RBM28: variants seen among roughly 807,000 people sequenced by gnomAD.
RBM28 encodes the protein RNA binding motif protein 28.
A neutral mutation model predicts 98.3 loss-of-function variants in RBM28; 78 were observed. The ratio of observed to expected loss-of-function variants is 0.79; its 90% CI spans 0.66 to 0.96. RBM28 has a LOEUF of 0.96. Ranked by LOEUF, RBM28 falls within the 40% of genes least tolerant of loss-of-function variation. RBM28 has a pLI of 0.00. For synonymous variants in RBM28, 306 were observed against 330.9 expected, an observed-to-expected ratio of 0.92 and a Z score of 0.82; for missense variants, 838 against 913.0, an observed-to-expected ratio of 0.92 and a Z score of 1.06.
intron 17 of RBM28, among the ~76,000 whole-genome samples, 171 bp downstream of exon 17, chr7:128,314,593 T>C (rs1232907622): frequency 6.6e-6 from 1 of 152,046 alleles, no homozygotes; most frequent in East Asian, 1.9e-4. Flanking sequence ...GATCTAAGAG[T>C]GACATCTCTG....
chr7:128,307,621 A>T lies in RBM28; in HGVS notation c.*3176T>A, dbSNP rs1795891338. ...AAGAAGGAACTGTACAGCTGAACAG[A>T]GCAGATTCTTAGAAACTACAAACTA... is the stretch of plus-strand genomic sequence containing the variant. On this transcript the variant is annotated 3_prime_UTR_variant, in exon 19 of 19. Coordinates refer to ENST00000223073, the MANE Select transcript of RBM28 (RefSeq NM_018077.3). The T allele has an allele frequency of 6.6e-6, 1 of 152,204 alleles. No homozygotes were observed. Among genetic ancestry groups the T allele is most frequent in the Non-Finnish European group, 1.5e-5 (1 of 68,040 alleles). 9.4% of individuals were successfully genotyped at this position (152,204 alleles called of 1,614,324 possible).
chr7:128,307,543 G>T lies in RBM28; in HGVS notation c.*3254C>A, dbSNP rs1326634851. On this transcript the variant is annotated 3_prime_UTR_variant, in exon 19 of 19. Coordinates refer to ENST00000223073, the MANE Select transcript of RBM28 (RefSeq NM_018077.3). ...TAACTTTATAATAGAGGAAGGCACAGATCTCATTTTTGTGACAGGTGAAAC... is the reference window on the plus strand; with the variant it reads ...TAACTTTATAATAGAGGAAGGCACATATCTCATTTTTGTGACAGGTGAAAC... 4 of 152,156 alleles carry T rather than the reference G, an allele frequency of 2.6e-5. No individual in the cohort carries two copies. The highest frequency in any genetic ancestry group is 7.2e-5 in the African/African-American group (3 of 41,414). 9.4% of individuals were successfully genotyped at this position (152,156 alleles called of 1,614,324 possible).
Position 128,310,730 on chromosome 7 carries a change from G to C in RBM28, c.*67C>G. ...TCCCTCAGTGAGAGACACGGGGGAT[G>C]GGGAGGAGCCCAGGAGTGTCACCAG... On this transcript the variant is annotated 3_prime_UTR_variant, in exon 19 of 19. Transcript: ENST00000223073. The C allele has an allele frequency of 6.3e-7, 1 of 1,592,042 alleles. No individual in the cohort carries two copies.
rs747678182 is a variant in RBM28, at chr7:128,335,797, G to A, written c.809+50C>T. Reference sequence around the variant, plus strand: ...AAAAAGGAGAATTTTTCCTCTCGGAGACAATCTTGAATCTTCCTCTGCTGT... The same window carrying A: ...AAAAAGGAGAATTTTTCCTCTCGGAAACAATCTTGAATCTTCCTCTGCTGT... On this transcript the variant is annotated intron_variant, in intron 7 of 18. Transcript: ENST00000223073. 6 of 1,613,904 alleles carry A rather than the reference G, an allele frequency of 3.7e-6. No individual in the cohort carries two copies. The South Asian group carries it at 5.5e-5, about 15-fold the overall frequency.
chr7:128,331,815 A>T (rs962477082), intron 9 of RBM28, among the ~76,000 whole-genome samples: 2 of 152,214 alleles, frequency 1.3e-5, no homozygotes, highest in Non-Finnish European at 2.9e-5. Context: ...TAAGCAAAAC[A>T]GTCCCTAATA....
At position 128,343,897 on chromosome 7, in the gene RBM28, G is replaced by A; in HGVS notation, c.-104C>T. Reference sequence around the variant, plus strand: ...GGACAACCAAGCTCACACGCCGAGAGATTCCGGAAGTGCTCGTTGCCCAAA... The same window carrying A: ...GGACAACCAAGCTCACACGCCGAGAAATTCCGGAAGTGCTCGTTGCCCAAA... On this transcript the variant is annotated 5_prime_UTR_variant, in exon 1 of 19. Transcript: ENST00000223073. 1.4e-6 allele frequency: 1 copy of A among 714,760 alleles called. No individual in the cohort carries two copies. The highest frequency in any genetic ancestry group is 2.2e-6 in the Non-Finnish European group (1 of 448,172). The allele number at this position is 714,760 out of a possible 1,614,324, so 44.3% of individuals were successfully genotyped here. A position where few individuals can be genotyped will look rare whatever the true frequency, so the allele number is the denominator to read the frequency against.
At chr7:128,315,778 A>C (rs1181754667) in intron 16 of RBM28, among the ~76,000 whole-genome samples, 1 of 152,250 alleles carries the variant, frequency 6.6e-6, no homozygotes, top group Non-Finnish European at 1.5e-5. Flanking sequence ...GAAGGAAAAG[A>C]CTTACTCAGA....
Position 128,329,187 on chromosome 7 carries a change from C to G in RBM28, c.1129+1632G>C, listed in dbSNP as rs565178230. ...CGATCTCGGCTCACCACAACCTCCC[C>G]CTCCCAGGTTCAAGCAATTCTCCTG... On this transcript the variant is annotated intron_variant, in intron 10 of 18. Coordinates refer to ENST00000223073, the MANE Select transcript of RBM28 (RefSeq NM_018077.3). Among the ~76,000 whole-genome samples, 14 of 152,258 alleles carry G rather than the reference C, an allele frequency of 9.2e-5. No homozygotes were observed. The South Asian group carries it at 2.5e-3, about 27-fold the overall frequency.
At chr7:128,326,527 C>A (rs1426762584) in intron 10 of RBM28, among the ~76,000 whole-genome samples, 1 of 152,120 alleles carries the variant, frequency 6.6e-6, no homozygotes, top group Non-Finnish European at 1.5e-5. Flanking sequence ...CTACAACATT[C>A]AGTATAACAA....
intron 9 of RBM28, among the ~76,000 whole-genome samples, chr7:128,331,435 C>G (rs1304938479): frequency 6.6e-6 from 1 of 151,890 alleles, no homozygotes; most frequent in East Asian, 1.9e-4. Context: ...GAGGCTTGCT[C>G]TTTGACAACT....
At chr7:128,311,426 C>G (rs537063805) in intron 18 of RBM28, among the ~76,000 whole-genome samples, 23 of 152,162 alleles carry the variant, frequency 1.5e-4, no homozygotes, top group Non-Finnish European at 2.9e-4. Context: ...GAGAAGCAAG[C>G]TTGACTTCAA....
At chr7:128,324,171 C>T (rs1345976869) in intron 12 of RBM28, among the ~76,000 whole-genome samples, 1 of 152,138 alleles carries the variant, frequency 6.6e-6, no homozygotes, top group Admixed American at 6.5e-5. Flanking sequence ...GTCTTTCTGA[C>T]ACTAAAGGAA....
At chr7:128,320,904 G>A (rs958365358) in intron 14 of RBM28, among the ~76,000 whole-genome samples, 2 of 152,190 alleles carry the variant, frequency 1.3e-5, no homozygotes, top group African/African-American at 2.4e-5. Context: ...AGTGGCTCAC[G>A]CCTGTAATCC....
chr7:128,343,806 C>T lies in RBM28; in HGVS notation c.-13G>A, dbSNP rs1796783946. On this transcript the variant is annotated 5_prime_UTR_variant, in exon 1 of 19. Coordinates refer to ENST00000223073, the MANE Select transcript of RBM28 (RefSeq NM_018077.3). Reference sequence around the variant, plus strand: ...TCAGGCCGGCCATGAGACCGGGAAACCCAAAGCGCGTGAGGACGCGAGCAA... The same window carrying T: ...TCAGGCCGGCCATGAGACCGGGAAATCCAAAGCGCGTGAGGACGCGAGCAA... 4 of 1,573,750 alleles carry T rather than the reference C, an allele frequency of 2.5e-6. No individual in the cohort carries two copies.
rs971750483 is a variant in RBM28, at chr7:128,341,160, C to A, written c.119-1369G>T. On this transcript the variant is annotated intron_variant, in intron 1 of 18. Transcript: ENST00000223073. Reference sequence around the variant, plus strand: ...TTCATATGCTCTGCTTCTCTTTCCACTGCATTTGAATCTCCTTCAGGGTAT... The same window carrying A: ...TTCATATGCTCTGCTTCTCTTTCCAATGCATTTGAATCTCCTTCAGGGTAT... The A allele has an allele frequency of 2.3e-6, 3 of 1,289,560 alleles. No individual in the cohort carries two copies. The Admixed American group carries it at 6.9e-5, about 30-fold the overall frequency. The allele number at this position is 1,289,560 out of a possible 1,614,324, so 79.9% of individuals were successfully genotyped here.
intron 9 of RBM28, 75 bp downstream of exon 9, chr7:128,333,215 G>GC: frequency 8.1e-7 from 1 of 1,227,156 alleles, no homozygotes; most frequent in South Asian, 1.2e-5. Context: ...CAGAACTAGT[G>GC]CCAAAAAGAG....
chr7:128,312,161 G>A (rs1203363477), intron 18 of RBM28, among the ~76,000 whole-genome samples: 2 of 152,216 alleles, frequency 1.3e-5, no homozygotes, highest in Admixed American at 6.5e-5. Flanking sequence ...GCTCACACCT[G>A]TAATCCCAGC....
chr7:128,338,387 T>A lies in RBM28; in HGVS notation c.449-45A>T, dbSNP rs10268098. ...GAAAGAAGTGAGAGGCAGCAGGAGGTAGCCAGAATACTAAGAAGTAAATTA... is the reference window on the plus strand; with the variant it reads ...GAAAGAAGTGAGAGGCAGCAGGAGGAAGCCAGAATACTAAGAAGTAAATTA... On this transcript the variant is annotated intron_variant, in intron 4 of 18. Transcript: ENST00000223073. 1,832 of 1,490,222 alleles carry A rather than the reference T, an allele frequency of 1.2e-3. 27 individuals are homozygous for A. In the African/African-American group the frequency reaches 0.022, roughly 18 times the overall value. 92.3% of individuals were successfully genotyped at this position (1,490,222 alleles called of 1,614,324 possible). A position where few individuals can be genotyped will look rare whatever the true frequency, so the allele number is the denominator to read the frequency against.
chr7:128,343,886 A>C lies in RBM28; in HGVS notation c.-93T>G. 14 of 830,330 alleles carry C rather than the reference A, an allele frequency of 1.7e-5. No homozygotes were observed. The highest frequency in any genetic ancestry group is 3.7e-5 in the South Asian group (2 of 54,382). 51.4% of individuals were successfully genotyped at this position (830,330 alleles called of 1,614,324 possible). ...TGGCTTTGGTAGGACAACCAAGCTC[A>C]CACGCCGAGAGATTCCGGAAGTGCT... On this transcript the variant is annotated 5_prime_UTR_variant, in exon 1 of 19. Transcript: ENST00000223073.
Sources: allele counts gnomAD v4.1 joint callset (sites outside exome capture counted in the v4.1 genomes callset), GRCh38; gene constraint gnomAD v4.1.1; transcripts MANE v1.5; gene names NCBI Gene and HGNC (gene_info 2026-07-23, HGNC 2026-07-21).